The following PDE10A variants were observed in gnomAD, a reference collection of about 807,000 sequenced individuals.
PDE10A encodes phosphodiesterase 10A, also known as cAMP and cAMP-inhibited cGMP 3',5'-cyclic phosphodiesterase 10A.
A neutral mutation model predicts 97.7 loss-of-function variants in PDE10A; 39 were observed. That is an observed-to-expected ratio of 0.40 (90% CI 0.31 to 0.52). The LOEUF (loss-of-function observed/expected upper bound fraction) is 0.52. Among genes scored for constraint, PDE10A ranks in the 20% least tolerant of loss-of-function variants. The pLI, the probability that PDE10A is intolerant of heterozygous loss-of-function variation, is 0.56. For synonymous variants in PDE10A, 371 were observed against 376.8 expected, an observed-to-expected ratio of 0.98 and a Z score of 0.18; for missense variants, 731 against 1,047.8, an observed-to-expected ratio of 0.70 and a Z score of 4.17.
In PDE10A at chr6:165,828,906, A is replaced by G. The variant is rs766980918; in HGVS notation, c.-615+158623T>C. Among the ~76,000 whole-genome samples the G allele has an allele frequency of 4.0e-4, 61 of 152,340 alleles. No individual in the cohort carries two copies. The Middle Eastern group carries it at 0.014, about 34-fold the overall frequency. ...AGTGTGCAAGAAGAAAAAAAGGCTA[A>G]TTTAAGGTAACACGGCAGCGTTAAT... On this transcript the variant is annotated intron_variant, in intron 1 of 19. Coordinates refer to the PDE10A transcript ENST00000366882.
intron 1 of PDE10A, among the ~76,000 whole-genome samples, chr6:165,585,218 C>T (rs565089481): frequency 6.6e-6 from 1 of 152,252 alleles, no homozygotes; most frequent in East Asian, 1.9e-4. Flanking sequence ...GCATCATGTC[C>T]TGTGGAAATA....
chr6:165,916,161 G>T (rs375843185), intron 1 of PDE10A, among the ~76,000 whole-genome samples: 1 of 152,218 alleles, frequency 6.6e-6, no homozygotes, highest in African/African-American at 2.4e-5. Context: ...CTTTTAAAAC[G>T]TTGTCAGCAA....
intron 5 of PDE10A, among the ~76,000 whole-genome samples, chr6:165,439,880 A>T (rs1790304614): frequency 6.6e-6 from 1 of 152,196 alleles, no homozygotes; most frequent in African/African-American, 2.4e-5. Context: ...CTTTTAATGA[A>T]ATAGAAAAAT....
chr6:165,873,425 T>A (rs1337746558), intron 1 of PDE10A, among the ~76,000 whole-genome samples: 1 of 152,214 alleles, frequency 6.6e-6, no homozygotes, highest in East Asian at 1.9e-4. Context: ...TCAGCCTCTC[T>A]CTGTTTTCTT....
At chr6:165,693,282 G>C (rs1279032068) in intron 1 of PDE10A, among the ~76,000 whole-genome samples, 1 of 152,120 alleles carries the variant, frequency 6.6e-6, no homozygotes, top group African/African-American at 2.4e-5. Flanking sequence ...TGTAATCCCA[G>C]CACTTTGGGA....
intron 2 of PDE10A, among the ~76,000 whole-genome samples, chr6:165,486,171 G>A (rs1779905609): frequency 6.6e-6 from 1 of 152,300 alleles, no homozygotes; most frequent in East Asian, 1.9e-4. Context: ...TTGACAGCAA[G>A]GCAACAATGC....
At chr6:165,485,207 C>G (rs1451519472) in intron 2 of PDE10A, among the ~76,000 whole-genome samples, 1 of 152,110 alleles carries the variant, frequency 6.6e-6, no homozygotes, top group Non-Finnish European at 1.5e-5. Context: ...CGCGGTGGCT[C>G]ACGCCTGTAA....
intron 1 of PDE10A, among the ~76,000 whole-genome samples, chr6:165,752,643 C>A (rs1276862730): frequency 6.6e-6 from 1 of 152,184 alleles, no homozygotes; most frequent in African/African-American, 2.4e-5. Flanking sequence ...TTTTAATTGG[C>A]AGTCCCTTTG....
rs974899605 is a variant in PDE10A, at chr6:165,811,400, A to C, written c.-615+176129T>G. On this transcript the variant is annotated intron_variant, in intron 1 of 19. Coordinates refer to the PDE10A transcript ENST00000366882. Reference sequence around the variant, plus strand: ...GCTAGCCTCTGCAGAGTCTCAGGAAATATGGGTTCTGTCCCTAGGCCCTCG... The same window carrying C: ...GCTAGCCTCTGCAGAGTCTCAGGAACTATGGGTTCTGTCCCTAGGCCCTCG... Among the ~76,000 whole-genome samples, 18 of 152,336 alleles carry C rather than the reference A, an allele frequency of 1.2e-4. No individual in the cohort carries two copies. The South Asian group carries it at 2.9e-3, about 25-fold the overall frequency.
At chr6:165,705,139 C>T (rs918975640) in intron 1 of PDE10A, among the ~76,000 whole-genome samples, 4 of 152,242 alleles carry the variant, frequency 2.6e-5, no homozygotes, top group Non-Finnish European at 5.9e-5. Flanking sequence ...ATGGGTGAAG[C>T]CTGGATGGGG....
At chr6:165,890,435 C>T (rs774513918) in intron 1 of PDE10A, among the ~76,000 whole-genome samples, 2 of 152,170 alleles carry the variant, frequency 1.3e-5, no homozygotes, top group Non-Finnish European at 2.9e-5. Context: ...GTGGCTTTAG[C>T]TGTTTAGCTC....
At chr6:165,433,829 C>A (rs1378238282) in intron 6 of PDE10A, among the ~76,000 whole-genome samples, 1 of 151,838 alleles carries the variant, frequency 6.6e-6, no homozygotes, top group Non-Finnish European at 1.5e-5. Flanking sequence ...TCCTGGCTAA[C>A]ACAGTGAAAC....
At chr6:165,944,842 A>G (rs1432883499) in intron 1 of PDE10A, among the ~76,000 whole-genome samples, 2 of 152,212 alleles carry the variant, frequency 1.3e-5, no homozygotes, top group Non-Finnish European at 2.9e-5. Context: ...AAAAAAAAGT[A>G]TCTTCTATAC....
intron 1 of PDE10A, among the ~76,000 whole-genome samples, chr6:165,968,287 G>T (rs1167195011): frequency 6.6e-6 from 1 of 152,198 alleles, no homozygotes; most frequent in South Asian, 2.1e-4. Context: ...TGAAACCATC[G>T]CAGGTCATTG....
chr6:165,746,719 G>T (rs1352485872), intron 1 of PDE10A, among the ~76,000 whole-genome samples: 1 of 152,154 alleles, frequency 6.6e-6, no homozygotes, highest in Non-Finnish European at 1.5e-5. Context: ...CTGACTCCTG[G>T]GTCAGTGGAA....
chr6:165,442,899 A>G (rs570955093), intron 5 of PDE10A, among the ~76,000 whole-genome samples: 1 of 152,122 alleles, frequency 6.6e-6, no homozygotes, highest in Non-Finnish European at 1.5e-5. Context: ...GACTGAGGTC[A>G]GGGGTTTGAG....
At chr6:165,357,299 T>G (rs907063349) in intron 18 of PDE10A, among the ~76,000 whole-genome samples, 2 of 152,200 alleles carry the variant, frequency 1.3e-5, no homozygotes, top group African/African-American at 4.8e-5. Flanking sequence ...ACTTTTACAG[T>G]TATATATGGT....
intron 1 of PDE10A, among the ~76,000 whole-genome samples, chr6:165,691,095 CTCTT>C (rs1182031740): frequency 0.015 from 728 of 47,480 alleles, 55 homozygotes; most frequent in African/African-American, 0.048. Context: ...CTCTCTCTCT[CTCTT>C]TCTCTCTCCC....
chr6:165,866,260 C>T (rs1298804697), intron 1 of PDE10A, among the ~76,000 whole-genome samples: 1 of 151,856 alleles, frequency 6.6e-6, no homozygotes, highest in Non-Finnish European at 1.5e-5. Flanking sequence ...TACTTAAAAT[C>T]AGGATGTGTA....
Sources: gnomAD v4.1 joint callset for allele counts (sites outside exome capture counted in the v4.1 genomes callset) on GRCh38, gnomAD v4.1.1 for gene constraint, MANE v1.5 for transcripts, NCBI Gene and HGNC (gene_info 2026-07-23, HGNC 2026-07-21) for gene names.